The following CCSER1 variants were observed in gnomAD, a reference collection of about 807,000 sequenced individuals.
The protein encoded by CCSER1 is serine-rich coiled-coil domain-containing protein 1.
CCSER1 carries 41 observed loss-of-function variants against 82.0 expected under a neutral mutation model. The observed-to-expected ratio is 0.50, with a 90% confidence interval of 0.39 to 0.65. CCSER1 has a LOEUF of 0.65. Among genes scored for constraint, CCSER1 ranks in the 30% least tolerant of loss-of-function variants. The pLI is 0.00. For synonymous variants in CCSER1, 414 were observed against 383.9 expected (o/e 1.08, Z -0.92); for missense variants, 1,119 against 1,064.2 (o/e 1.05, Z -0.72).
chr4:90,782,821 AC>A, intron 7 of CCSER1, among the ~76,000 whole-genome samples: 1 of 150,772 alleles, frequency 6.6e-6, no homozygotes, highest in East Asian at 2.0e-4. Context: ...AGCTGGGACT[AC>A]AGGTGCCAGC....
chr4:90,555,706 T>A (rs1444902129), intron 5 of CCSER1, among the ~76,000 whole-genome samples: 1 of 152,068 alleles, frequency 6.6e-6, no homozygotes, highest in Non-Finnish European at 1.5e-5. Flanking sequence ...TTAGTAGTCT[T>A]TGAATTCACA....
chr4:91,118,046 G>A (rs576709494), intron 10 of CCSER1, among the ~76,000 whole-genome samples: 68 of 151,958 alleles, frequency 4.5e-4, no homozygotes, highest in Middle Eastern at 3.4e-3. Flanking sequence ...ACAGCAAAAT[G>A]CTAACATTAT....
chr4:90,236,169 T>C (rs1393056644), intron 1 of CCSER1, among the ~76,000 whole-genome samples: 3 of 152,120 alleles, frequency 2.0e-5, no homozygotes, highest in Non-Finnish European at 2.9e-5. Flanking sequence ...GCTCAAGCAG[T>C]CCTCCCGCTG....
At chr4:90,666,042 T>G (rs1447962242) in intron 6 of CCSER1, among the ~76,000 whole-genome samples, 1 of 152,150 alleles carries the variant, frequency 6.6e-6, no homozygotes, top group Non-Finnish European at 1.5e-5. Flanking sequence ...TCTGCATTCC[T>G]TGTCACATGC....
chr4:90,946,318 G>C lies in CCSER1; in HGVS notation c.2172+22871G>C, dbSNP rs548732756. ...TAAAAACAACAGCAAACTCAAGAAAGATTGTAATATTATTCTCAATTTATG... is the reference window on the plus strand; with the variant it reads ...TAAAAACAACAGCAAACTCAAGAAACATTGTAATATTATTCTCAATTTATG... On this transcript the variant is annotated intron_variant, in intron 9 of 10. Coordinates refer to ENST00000509176, the MANE Select transcript of CCSER1 (RefSeq NM_001145065.2). Among the ~76,000 whole-genome samples, 3 of 152,248 alleles carry C rather than the reference G, an allele frequency of 2.0e-5. No homozygotes were observed. The South Asian group carries it at 6.2e-4, about 32-fold the overall frequency.
At chr4:91,574,798 CGTGGATT>C (rs913752740) in intron 10 of CCSER1, among the ~76,000 whole-genome samples, 1 of 151,806 alleles carries the variant, frequency 6.6e-6, no homozygotes, top group Non-Finnish European at 1.5e-5. Flanking sequence ...ATGCTCATTA[CGTGGATT>C]ATGGGATCAT....
At chr4:91,538,698 C>CATATATTATGTATATATATAT in intron 10 of CCSER1, among the ~76,000 whole-genome samples, 16 of 138,340 alleles carry the variant, frequency 1.2e-4, no homozygotes, top group African/African-American at 4.4e-4. Context: ...TATATATACA[C>CATATATTATGTATATATATAT]ATATATATAT....
At chr4:90,682,843 A>G (rs1241699873) in intron 6 of CCSER1, among the ~76,000 whole-genome samples, 1 of 152,128 alleles carries the variant, frequency 6.6e-6, no homozygotes, top group African/African-American at 2.4e-5. Flanking sequence ...AAATTTGTAA[A>G]TAAATTTAAT....
intron 3 of CCSER1, among the ~76,000 whole-genome samples, chr4:90,382,770 A>G (rs1331849102): frequency 2.0e-5 from 3 of 152,240 alleles, no homozygotes; most frequent in African/African-American, 7.2e-5. Context: ...TGACACCAAT[A>G]TGATACTTTT....
At chr4:91,467,382 T>C (rs1433909679) in intron 10 of CCSER1, among the ~76,000 whole-genome samples, 2 of 152,144 alleles carry the variant, frequency 1.3e-5, no homozygotes, top group Non-Finnish European at 2.9e-5. Flanking sequence ...ATGTTAGACC[T>C]AAAACCATAA....
Position 90,312,703 on chromosome 4 carries a change from A to G in CCSER1, c.1325-160A>G, listed in dbSNP as rs1393133123. ...ACGTTTTGGGCTTCAAAGAGATTAC[A>G]TGATTAAGTGAACTAAACTGATGCT... On this transcript the variant is annotated intron_variant, in intron 2 of 10. Coordinates refer to ENST00000509176, the MANE Select transcript of CCSER1 (RefSeq NM_001145065.2). Among the ~76,000 whole-genome samples the G allele has an allele frequency of 2.6e-5, 4 of 152,330 alleles. No homozygotes were observed. The East Asian group carries it at 7.7e-4, about 29-fold the overall frequency.
intron 10 of CCSER1, among the ~76,000 whole-genome samples, chr4:91,101,495 C>T (rs1317638858): frequency 6.6e-6 from 1 of 152,140 alleles, no homozygotes; most frequent in East Asian, 1.9e-4. Context: ...ATTAGCTGGG[C>T]ATGGTGGCAT....
At chr4:90,628,379 G>T in intron 6 of CCSER1, 147 bp downstream of exon 6, 1 of 625,428 alleles carries the variant, frequency 1.6e-6, no homozygotes, top group East Asian at 2.8e-5. Context: ...ATTTTCATAT[G>T]TCAAATGAGT....
intron 10 of CCSER1, among the ~76,000 whole-genome samples, chr4:91,369,014 A>G (rs1398035529): frequency 6.6e-6 from 1 of 152,162 alleles, no homozygotes; most frequent in African/African-American, 2.4e-5. Context: ...AACAGTCCTT[A>G]TCTTTTCTTG....
At chr4:91,238,954 G>C (rs1739235921) in intron 10 of CCSER1, among the ~76,000 whole-genome samples, 1 of 151,858 alleles carries the variant, frequency 6.6e-6, no homozygotes, top group Non-Finnish European at 1.5e-5. Flanking sequence ...CTCCCAAGTA[G>C]CTGGGACTAC....
chr4:91,126,444 G>C (rs542595204), intron 10 of CCSER1, among the ~76,000 whole-genome samples: 1 of 151,922 alleles, frequency 6.6e-6, no homozygotes, highest in South Asian at 2.1e-4. Flanking sequence ...ATTCTCTAAT[G>C]ATAAGAATTT....
intron 10 of CCSER1, among the ~76,000 whole-genome samples, chr4:91,133,293 G>T (rs945662461): frequency 1.3e-5 from 2 of 151,670 alleles, no homozygotes; most frequent in Admixed American, 1.3e-4. Flanking sequence ...CTTTGAAGTA[G>T]GGTCTGGCGA....
At chr4:91,326,996 A>G (rs1033098225) in intron 10 of CCSER1, among the ~76,000 whole-genome samples, 3 of 152,126 alleles carry the variant, frequency 2.0e-5, no homozygotes, top group African/African-American at 7.2e-5. Flanking sequence ...GGCACAGCCC[A>G]TGCAGCTATT....
At chr4:90,306,206 T>TG (rs1358131890) in intron 1 of CCSER1, among the ~76,000 whole-genome samples, 1 of 151,994 alleles carries the variant, frequency 6.6e-6, no homozygotes, top group Non-Finnish European at 1.5e-5. Context: ...GCCAGGGGAA[T>TG]GGGGAAATAA....
Sources: allele counts gnomAD v4.1 joint callset (sites outside exome capture counted in the v4.1 genomes callset), GRCh38; gene constraint gnomAD v4.1.1; transcripts MANE v1.5; gene names NCBI Gene and HGNC (gene_info 2026-07-23, HGNC 2026-07-21).